YARS1: variants seen among roughly 807,000 people sequenced by gnomAD.
YARS1 encodes the protein tyrosine--tRNA ligase, cytoplasmic.
Under a neutral mutation model 62.2 loss-of-function variants are expected in YARS1, and 36 were observed. The observed-to-expected ratio is 0.58, with a 90% CI of 0.44 to 0.76. The LOEUF is 0.76. YARS1 is among the 30% of genes least tolerant of loss of function. The probability of loss-of-function intolerance (pLI) is 0.00; values close to 1 mark genes in which losing one functional copy is unlikely to be tolerated. For synonymous variants in YARS1, 234 were observed against 244.9 expected (o/e 0.96, Z 0.42); for missense variants, 524 against 639.8 (o/e 0.82, Z 1.95).
At chr1:32,788,585 C>T (rs1232318933) in intron 6 of YARS1, among the ~76,000 whole-genome samples, 3 of 152,000 alleles carry the variant, frequency 2.0e-5, no homozygotes, top group Admixed American at 2.0e-4. Context: ...GCATGCACCA[C>T]CAAGCCCAGC....
intron 1 of YARS1, among the ~76,000 whole-genome samples, chr1:32,814,222 G>T (rs1316814626): frequency 6.6e-6 from 1 of 151,964 alleles, no homozygotes. Context: ...ACAGTAAATG[G>T]TACCATCATT....
At chr1:32,780,794 AT>A (rs1301310073) in intron 10 of YARS1, 1 of 544,898 alleles carries the variant, frequency 1.8e-6, no homozygotes, top group Non-Finnish European at 3.3e-6. Context: ...ATCAGACCAG[AT>A]TTAACAGATA....
intron 4 of YARS1, among the ~76,000 whole-genome samples, chr1:32,802,567 G>A (rs1391993491): frequency 1.3e-5 from 2 of 152,202 alleles, no homozygotes; most frequent in African/African-American, 2.4e-5. Context: ...TAGAATGGAT[G>A]TTGTGTTAGC....
chr1:32,778,272 G>A (rs1162594395), intron 12 of YARS1, among the ~76,000 whole-genome samples: 3 of 152,212 alleles, frequency 2.0e-5, no homozygotes, highest in Non-Finnish European at 4.4e-5. Flanking sequence ...AAATGAATGA[G>A]TGAATGAATT....
intron 4 of YARS1, among the ~76,000 whole-genome samples, chr1:32,804,027 G>A (rs999894232): frequency 6.6e-6 from 1 of 152,118 alleles, no homozygotes; most frequent in Non-Finnish European, 1.5e-5. Flanking sequence ...AGTGGACACA[G>A]CACATGTTTC....
chr1:32,780,295 T>C lies in YARS1; in HGVS notation c.1141-17A>G. 6.2e-7 allele frequency: 1 copy of C among 1,613,770 alleles called. No homozygotes were observed. Among genetic ancestry groups the C allele is most frequent in the African/African-American group, 1.3e-5 (1 of 75,012 alleles). On this transcript the variant is annotated splice_polypyrimidine_tract_variant and intron_variant, in intron 10 of 12. Transcript: ENST00000373477. ...ATCTGGGTGCTGCCAGGGAGAGACG[T>C]CAGGAGGAAGAGGATCATCGTCCAT...
intron 1 of YARS1, among the ~76,000 whole-genome samples, chr1:32,816,437 A>G (rs556349749): frequency 3.4e-4 from 52 of 152,344 alleles, no homozygotes; most frequent in Admixed American, 3.3e-3. Context: ...TTCTGGTGCC[A>G]GAGGGTTTGT....
intron 5 of YARS1, 148 bp downstream of exon 5, chr1:32,797,615 A>G: frequency 1.4e-6 from 1 of 732,144 alleles, no homozygotes; most frequent in Non-Finnish European, 2.4e-6. Context: ...ACAACTTCTT[A>G]TCTTCTATCC....
chr1:32,797,338 C>G (rs891808937), intron 5 of YARS1, among the ~76,000 whole-genome samples: 1 of 151,924 alleles, frequency 6.6e-6, no homozygotes, highest in Non-Finnish European at 1.5e-5. Context: ...CATTACTGCA[C>G]TCTGGCCTGG....
chr1:32,813,912 G>A (rs886583453), intron 1 of YARS1, among the ~76,000 whole-genome samples: 2 of 151,892 alleles, frequency 1.3e-5, no homozygotes, highest in South Asian at 2.1e-4. Flanking sequence ...CCTCGTCTCT[G>A]CCTGCTTAGC....
chr1:32,782,261 T>C, intron 9 of YARS1, 143 bp downstream of exon 9: 1 of 1,399,662 alleles, frequency 7.1e-7, no homozygotes, highest in Non-Finnish European at 1.0e-6. Context: ...TCAAGTTCCA[T>C]TCTAGGAGCC....
chr1:32,804,172 CTT>C (rs1289192760), intron 4 of YARS1, among the ~76,000 whole-genome samples: 3 of 152,268 alleles, frequency 2.0e-5, no homozygotes, highest in Non-Finnish European at 4.4e-5. Flanking sequence ...TCTGATCTCT[CTT>C]TCTTTTCCCC....
At chr1:32,781,985 T>C (rs1344497504) in intron 9 of YARS1, 1 of 176,178 alleles carries the variant, frequency 5.7e-6, no homozygotes, top group Non-Finnish European at 1.2e-5. Flanking sequence ...GGCTAATTTT[T>C]TTTTTTTTTT....
intron 4 of YARS1, among the ~76,000 whole-genome samples, chr1:32,804,673 T>G (rs1638405268): frequency 7.8e-6 from 1 of 129,016 alleles, no homozygotes; most frequent in Non-Finnish European, 1.7e-5. Flanking sequence ...TCTGAGACGA[T>G]GGGCAGCCGG....
chr1:32,803,262 G>A lies in YARS1; in HGVS notation c.510+3220C>T, dbSNP rs556497836. ...CCAAAGTGCTGAGTTACAGGTGTGA[G>A]CCATCATGCCTGGCCTAATTCTTCT... On this transcript the variant is annotated intron_variant, in intron 4 of 12. Transcript: ENST00000373477. 2.0e-5 allele frequency among the ~76,000 whole-genome samples: 3 copies of A among 150,854 alleles called. No homozygotes were observed. The South Asian group carries it at 6.3e-4, about 32-fold the overall frequency.
Position 32,806,512 on chromosome 1 carries a change from C to T in YARS1, c.480G>A (p.Leu160=). 6.2e-7 allele frequency: 1 copy of T among 1,614,172 alleles called. No individual in the cohort carries two copies. The highest frequency in any genetic ancestry group is 1.1e-5 in the South Asian group (1 of 91,084). ...AEVVKQVEHP[L]LSGLLYPGLQ... is the part of the protein sequence containing the mutation. ...GTCCGGGGTATAAGAGGCCACTCAG[C>T]AAAGGGTGCTCCACCTGCTTTACCA... The change falls in exon 4 of 13, where the codon TTG becomes TTA. Residue 160 remains leucine (L), a synonymous_variant. Transcript: ENST00000373477.
chr1:32,800,649 G>A (rs1638262536), intron 4 of YARS1, among the ~76,000 whole-genome samples: 2 of 151,976 alleles, frequency 1.3e-5, no homozygotes, highest in Admixed American at 1.3e-4. Context: ...GAGTGCAGTG[G>A]TGCGAGCTCC....
chr1:32,796,055 C>A (rs1395070402), intron 5 of YARS1, among the ~76,000 whole-genome samples: 2 of 151,962 alleles, frequency 1.3e-5, no homozygotes, highest in East Asian at 3.9e-4. Flanking sequence ...AGTACTTTGA[C>A]AGGCTGAGAT....
intron 1 of YARS1, among the ~76,000 whole-genome samples, chr1:32,812,063 C>T (rs986352459): frequency 2.0e-5 from 3 of 152,110 alleles, no homozygotes; most frequent in Non-Finnish European, 4.4e-5. Flanking sequence ...GCTATGCTGC[C>T]CTGGCAGGAG....
Sources: gnomAD v4.1 joint callset for allele counts (sites outside exome capture counted in the v4.1 genomes callset) on GRCh38, gnomAD v4.1.1 for gene constraint, MANE v1.5 for transcripts, NCBI Gene and HGNC (gene_info 2026-07-23, HGNC 2026-07-21) for gene names.